ZFYVE9: variants seen among roughly 807,000 people sequenced by gnomAD.
The protein encoded by ZFYVE9 is zinc finger FYVE-type containing 9.
A neutral mutation model predicts 126.7 loss-of-function variants in ZFYVE9; 43 were observed. The observed-to-expected ratio is 0.34, with a 90% CI of 0.27 to 0.44. ZFYVE9 has a LOEUF of 0.44. Among genes scored for constraint, ZFYVE9 ranks in the 20% least tolerant of loss-of-function variants. ZFYVE9 has a pLI of 1.00. For synonymous variants in ZFYVE9, 521 were observed against 597.4 expected (o/e 0.87, Z 1.87); for missense variants, 1,476 against 1,697.0 (o/e 0.87, Z 2.29).
At chr1:52,234,606 T>G (rs1645256481) in intron 3 of ZFYVE9, among the ~76,000 whole-genome samples, 1 of 152,202 alleles carries the variant, frequency 6.6e-6, no homozygotes, top group Non-Finnish European at 1.5e-5. Context: ...CAGCCTTAAA[T>G]TGAATATGGA....
In ZFYVE9 at chr1:52,221,268, G is replaced by A. The variant is rs140542642; in HGVS notation, c.-37+4794G>A. Reference sequence around the variant, plus strand: ...TGTACCTTTTTCCTTCAATGATCCGGGGGGAACCATCTGTAAAGAGGTGAT... The same window carrying A: ...TGTACCTTTTTCCTTCAATGATCCGAGGGGAACCATCTGTAAAGAGGTGAT... On this transcript the variant is annotated intron_variant, in intron 2 of 18. Coordinates refer to ENST00000287727, the MANE Select transcript of ZFYVE9 (RefSeq NM_004799.4). Among the ~76,000 whole-genome samples, 343 of 152,252 alleles carry A rather than the reference G, an allele frequency of 2.3e-3. 2 individuals carry two copies. Among genetic ancestry groups the A allele is most frequent in the African/African-American group, 8.0e-3 (334 of 41,548 alleles).
At chr1:52,284,520 C>T (rs989905719) in intron 10 of ZFYVE9, among the ~76,000 whole-genome samples, 7 of 151,838 alleles carry the variant, frequency 4.6e-5, no homozygotes, top group African/African-American at 1.5e-4. Context: ...CCCAGGTTCA[C>T]GCCATTCTCC....
At chr1:52,225,428 G>T (rs994577329) in intron 2 of ZFYVE9, among the ~76,000 whole-genome samples, 1 of 152,172 alleles carries the variant, frequency 6.6e-6, no homozygotes. Context: ...AGTTTTCTCA[G>T]CAAGGAACTT....
At position 52,183,927 on chromosome 1, in the gene ZFYVE9, C is replaced by T. The variant is rs1052779251; in HGVS notation, c.-142-32442C>T. On this transcript the variant is annotated intron_variant, in intron 1 of 18. Coordinates refer to ENST00000287727, the MANE Select transcript of ZFYVE9 (RefSeq NM_004799.4). ...TGGAGTGCAGTGGCATGATCCTGAC[C>T]TTGTGATCCACCCACCTCGACTTCC... Among the ~76,000 whole-genome samples the T allele has an allele frequency of 4.7e-5, 7 of 148,354 alleles. 1 individual carries two copies. Among genetic ancestry groups the T allele is most frequent in the Admixed American group, 6.8e-5 (1 of 14,798 alleles).
At chr1:52,272,004 A>G (rs1312283885) in intron 7 of ZFYVE9, among the ~76,000 whole-genome samples, 2 of 151,726 alleles carry the variant, frequency 1.3e-5, no homozygotes, top group Non-Finnish European at 2.9e-5. Context: ...CACACCTGGC[A>G]AATTTTGTAT....
At chr1:52,180,207 C>G in intron 1 of ZFYVE9, 1 of 1,586,484 alleles carries the variant, frequency 6.3e-7, no homozygotes. Context: ...ACAAGGAATT[C>G]CCCTCTGTGC....
chr1:52,157,532 G>A, intron 1 of ZFYVE9, among the ~76,000 whole-genome samples: 1 of 151,420 alleles, frequency 6.6e-6, no homozygotes, highest in African/African-American at 2.4e-5. Flanking sequence ...CTCCCCAGCA[G>A]TTGGGATGAC....
chr1:52,230,419 G>T (rs1244091988), intron 2 of ZFYVE9, among the ~76,000 whole-genome samples: 1 of 151,856 alleles, frequency 6.6e-6, no homozygotes, highest in Non-Finnish European at 1.5e-5. Flanking sequence ...GGCCTGTTGC[G>T]GGGGTGGGGA....
chr1:52,193,179 C>G (rs964513377), intron 1 of ZFYVE9, among the ~76,000 whole-genome samples: 1 of 151,986 alleles, frequency 6.6e-6, no homozygotes, highest in African/African-American at 2.4e-5. Flanking sequence ...CTCCTGAGTA[C>G]CTGGGACTAC....
chr1:52,211,458 G>A (rs74367458), intron 1 of ZFYVE9, among the ~76,000 whole-genome samples: 3,483 of 152,300 alleles, frequency 0.023, 121 homozygotes, highest in East Asian at 0.12. Flanking sequence ...ACAGAAAGAG[G>A]GGACTTGGAA....
chr1:52,286,735 A>G (rs1321738454), intron 10 of ZFYVE9, among the ~76,000 whole-genome samples: 1 of 152,218 alleles, frequency 6.6e-6, no homozygotes, highest in Non-Finnish European at 1.5e-5. Flanking sequence ...TATCTTACTC[A>G]AAAGCTACTT....
intron 1 of ZFYVE9, among the ~76,000 whole-genome samples, chr1:52,153,502 C>G (rs1432663227): frequency 1.3e-5 from 2 of 152,224 alleles, no homozygotes; most frequent in East Asian, 3.9e-4. Flanking sequence ...TTTGCCCATT[C>G]ATAGTCACTA....
intron 10 of ZFYVE9, among the ~76,000 whole-genome samples, chr1:52,286,272 A>G (rs1447220811): frequency 1.3e-5 from 2 of 152,162 alleles, no homozygotes; most frequent in African/African-American, 4.8e-5. Flanking sequence ...TGAATACTGT[A>G]TTACTAGCTT....
chr1:52,321,876 T>A (rs143002903), intron 13 of ZFYVE9, among the ~76,000 whole-genome samples: 2 of 152,356 alleles, frequency 1.3e-5, no homozygotes, highest in East Asian at 3.8e-4. Flanking sequence ...AAGATATTAG[T>A]TCTTGTAAGT....
chr1:52,209,363 A>G (rs1645007065), intron 1 of ZFYVE9, among the ~76,000 whole-genome samples: 1 of 152,206 alleles, frequency 6.6e-6, no homozygotes, highest in South Asian at 2.1e-4. Context: ...TTCATATATC[A>G]TAAAATTCAC....
At chr1:52,306,181 T>C (rs1464811803) in intron 13 of ZFYVE9, among the ~76,000 whole-genome samples, 2 of 152,160 alleles carry the variant, frequency 1.3e-5, no homozygotes, top group Non-Finnish European at 2.9e-5. Context: ...TGGCTGTCCA[T>C]GCACCAGTCG....
intron 13 of ZFYVE9, among the ~76,000 whole-genome samples, chr1:52,327,633 G>T (rs1646304907): frequency 6.6e-6 from 1 of 151,442 alleles, no homozygotes; most frequent in Admixed American, 6.6e-5. Context: ...GCTGAAATTG[G>T]CATTTTCAGG....
intron 3 of ZFYVE9, among the ~76,000 whole-genome samples, chr1:52,236,709 T>C (rs1235523792): frequency 6.6e-6 from 1 of 152,198 alleles, no homozygotes; most frequent in Non-Finnish European, 1.5e-5. Flanking sequence ...CCCAGTGTCC[T>C]CAGATAATAA....
Position 52,268,752 on chromosome 1 carries a change from G to A in ZFYVE9, c.2625+120G>A, listed in dbSNP as rs940960424. ...TTTGGATACAACTTAGTGTATACGT[G>A]CACATATATGGATAAAGTAAATGTG... On this transcript the variant is annotated intron_variant, in intron 7 of 18. Transcript: ENST00000287727. 7 of 1,176,526 alleles carry A rather than the reference G, an allele frequency of 5.9e-6. No individual in the cohort carries two copies. The African/African-American group carries it at 1.1e-4, about 18-fold the overall frequency. 72.9% of individuals were successfully genotyped at this position (1,176,526 alleles called of 1,614,324 possible). A position where few individuals can be genotyped will look rare whatever the true frequency, so the allele number is the denominator to read the frequency against.
Sources: allele counts gnomAD v4.1 joint callset (sites outside exome capture counted in the v4.1 genomes callset), GRCh38; gene constraint gnomAD v4.1.1; transcripts MANE v1.5; gene names NCBI Gene and HGNC (gene_info 2026-07-23, HGNC 2026-07-21).